The following TEK variants were observed in gnomAD, a reference collection of about 807,000 sequenced individuals.
TEK encodes TEK receptor tyrosine kinase, also known as angiopoietin-1 receptor.
TEK carries 43 observed loss-of-function variants against 131.8 expected under a neutral mutation model. The ratio of observed to expected loss-of-function variants is 0.33; its 90% confidence interval spans 0.26 to 0.42. TEK has a LOEUF of 0.42. Ranked by LOEUF, TEK falls within the 10% of genes least tolerant of loss-of-function variation. The probability of loss-of-function intolerance (pLI) is 1.00; values close to 1 mark genes in which losing one functional copy is unlikely to be tolerated. For synonymous variants in TEK, 580 were observed against 491.6 expected, an observed-to-expected ratio of 1.18 and a Z score of -2.38; for missense variants, 1,162 against 1,384.4, an observed-to-expected ratio of 0.84 and a Z score of 2.55.
At chr9:27,228,179 T>C in intron 21 of TEK, 27 bp from the exon 22 acceptor site, 1 of 1,584,176 alleles carries the variant, frequency 6.3e-7, no homozygotes, top group Non-Finnish European at 8.7e-7. Context: ...GTTATAGAAT[T>C]AACCCTTTAA....
intron 2 of TEK, among the ~76,000 whole-genome samples, chr9:27,160,010 GTTTTTTTTTT>G (rs563961610): frequency 4.5e-4 from 38 of 84,342 alleles, no homozygotes; most frequent in African/African-American, 1.8e-3. Flanking sequence ...GCTGTTTAGG[GTTTTTTTTTT>G]TTTTTTTTTT....
chr9:27,138,717 T>C (rs1407631891), intron 1 of TEK, among the ~76,000 whole-genome samples: 1 of 152,146 alleles, frequency 6.6e-6, no homozygotes, highest in Non-Finnish European at 1.5e-5. Context: ...CAATCACAGA[T>C]GGAAAATACA....
At chr9:27,111,156 C>A (rs72713712) in intron 1 of TEK, among the ~76,000 whole-genome samples, 8,808 of 152,182 alleles carry the variant, frequency 0.058, 417 homozygotes, top group Non-Finnish European at 0.083. Context: ...GGTATGTAGC[C>A]AAAATACTTG....
chr9:27,213,119 C>T (rs777780998), intron 17 of TEK, among the ~76,000 whole-genome samples: 2 of 152,056 alleles, frequency 1.3e-5, no homozygotes, highest in Non-Finnish European at 2.9e-5. Flanking sequence ...GTATAATTTT[C>T]TTCTATCTAA....
chr9:27,203,220 G>T (rs144408309), intron 13 of TEK, 101 bp downstream of exon 13: 21 of 1,372,984 alleles, frequency 1.5e-5, no homozygotes, highest in Non-Finnish European at 2.0e-5. Context: ...ATGAAAAGTC[G>T]GTGGTTGAAT....
At chr9:27,192,898 C>T (rs190375568) in intron 11 of TEK, among the ~76,000 whole-genome samples, 120 of 152,180 alleles carry the variant, frequency 7.9e-4, no homozygotes, top group Admixed American at 3.3e-3. Context: ...GATGAGCCTT[C>T]AGGAAGGCAG....
intron 6 of TEK, among the ~76,000 whole-genome samples, chr9:27,174,401 C>G (rs1824085831): frequency 6.6e-6 from 1 of 151,990 alleles, no homozygotes; most frequent in Admixed American, 6.6e-5. Flanking sequence ...TTTCTAGTGT[C>G]CACATTAAAA....
chr9:27,140,818 G>T (rs948757212), intron 1 of TEK, among the ~76,000 whole-genome samples: 3 of 152,086 alleles, frequency 2.0e-5, no homozygotes, highest in African/African-American at 7.2e-5. Context: ...GGAGAACAAA[G>T]ATACATAGCT....
intron 1 of TEK, among the ~76,000 whole-genome samples, chr9:27,145,300 A>C (rs756086251): frequency 1.8e-4 from 28 of 152,030 alleles, no homozygotes; most frequent in Non-Finnish European, 3.8e-4. Flanking sequence ...AAACACAGGA[A>C]CTCTTCCTTA....
chr9:27,157,998 G>A lies in TEK; in HGVS notation c.220G>A (p.Val74Ile). The A allele has an allele frequency of 3.1e-6, 5 of 1,614,116 alleles. No homozygotes were observed. The highest frequency in any genetic ancestry group is 4.2e-6 in the Non-Finnish European group (5 of 1,180,006). Reference sequence around the variant, plus strand: ...GAACCAGCACCAGGATCCGCTGGAAGTTACTCAAGATGTGACCAGAGAATG... The same window carrying A: ...GAACCAGCACCAGGATCCGCTGGAAATTACTCAAGATGTGACCAGAGAATG... ...LMNQHQDPLEVTQDVTREWAK... is the reference protein window; with the variant it reads ...LMNQHQDPLEITQDVTREWAK... Residue 74 changes from valine to isoleucine, a missense_variant, in exon 2 of 23, where the codon GTT becomes ATT. This residue lies in a region of TEK where 436 missense variants were observed against 539.1 expected (regional missense o/e 0.81). Coordinates refer to ENST00000380036, the MANE Select transcript of TEK (RefSeq NM_000459.5).
chr9:27,177,921 C>A (rs187666279), intron 6 of TEK, among the ~76,000 whole-genome samples: 2 of 152,078 alleles, frequency 1.3e-5, no homozygotes, highest in African/African-American at 4.8e-5. Context: ...ATTGTTTCTT[C>A]ACTCTGTTGA....
intron 12 of TEK, among the ~76,000 whole-genome samples, chr9:27,201,132 A>C (rs1182663039): frequency 6.6e-6 from 1 of 152,198 alleles, no homozygotes; most frequent in Non-Finnish European, 1.5e-5. Flanking sequence ...TCTATTGTAG[A>C]GTCACCCAGA....
At chr9:27,164,499 T>C (rs1057326740) in intron 2 of TEK, among the ~76,000 whole-genome samples, 1 of 151,956 alleles carries the variant, frequency 6.6e-6, no homozygotes, top group Non-Finnish European at 1.5e-5. Context: ...TTTTGTATTT[T>C]TAGTAGAGAT....
At chr9:27,225,717 A>AAAAG (rs1401430877) in intron 21 of TEK, among the ~76,000 whole-genome samples, 1 of 152,250 alleles carries the variant, frequency 6.6e-6, no homozygotes, top group Admixed American at 6.5e-5. Flanking sequence ...CGATGGCAAC[A>AAAAG]AAAGCCAAAA....
chr9:27,218,368 A>C (rs1825907184), intron 19 of TEK, among the ~76,000 whole-genome samples: 1 of 151,980 alleles, frequency 6.6e-6, no homozygotes, highest in African/African-American at 2.4e-5. Context: ...TCTCTGCATA[A>C]TTTTGAGGCA....
intron 1 of TEK, among the ~76,000 whole-genome samples, chr9:27,124,561 C>A (rs1246502594): frequency 1.3e-5 from 2 of 152,206 alleles, no homozygotes; most frequent in Non-Finnish European, 2.9e-5. Flanking sequence ...ACGGGAAATA[C>A]ACTCTGCCCA....
At chr9:27,111,482 T>G (rs1437747331) in intron 1 of TEK, among the ~76,000 whole-genome samples, 1 of 151,716 alleles carries the variant, frequency 6.6e-6, no homozygotes, top group Non-Finnish European at 1.5e-5. Flanking sequence ...AAGGTTTATC[T>G]CTCTAGTCCA....
At chr9:27,112,041 G>A (rs1376079563) in intron 1 of TEK, among the ~76,000 whole-genome samples, 1 of 152,068 alleles carries the variant, frequency 6.6e-6, no homozygotes, top group Non-Finnish European at 1.5e-5. Context: ...GGGACTACAG[G>A]CGTGCGCCAC....
chr9:27,219,717 C>T (rs1825978333), intron 20 of TEK, among the ~76,000 whole-genome samples: 1 of 151,372 alleles, frequency 6.6e-6, no homozygotes, highest in African/African-American at 2.4e-5. Context: ...AAACTATGGA[C>T]TTCCAATCAG....
Sources: allele counts gnomAD v4.1 joint callset (sites outside exome capture counted in the v4.1 genomes callset), GRCh38; gene constraint gnomAD v4.1.1; regional missense constraint gnomAD v4.1.1; transcripts MANE v1.5; gene names NCBI Gene and HGNC (gene_info 2026-07-23, HGNC 2026-07-21).